Variants in IGSF10 observed in about 807,000 individuals in gnomAD.
IGSF10 encodes the protein calvaria mechanical force protein 608.
Under a neutral mutation model 128.2 loss-of-function variants are expected in IGSF10, and 126 were observed. The ratio of observed to expected loss-of-function variants is 0.98; its 90% CI spans 0.85 to 1.14. The LOEUF (loss-of-function observed/expected upper bound fraction) is 1.14. IGSF10 is among the 50% of genes most tolerant of loss of function. The probability of loss-of-function intolerance (pLI) is 0.00; values close to 1 mark genes in which losing one functional copy is unlikely to be tolerated. For missense variants in IGSF10, 3,295 were observed against 3,149.8 expected, an observed-to-expected ratio of 1.05 and a Z score of -1.10; for synonymous variants, 1,185 against 1,146.2, an observed-to-expected ratio of 1.03 and a Z score of -0.68.
At chr3:151,614,596 T>A in the IGSF10 span, among the ~76,000 whole-genome samples, 2 of 151,622 alleles carry the variant, frequency 1.3e-5, no homozygotes, top group Non-Finnish European at 2.9e-5. Context: ...CCGCATGCTG[T>A]CACTCATAGG....
chr3:151,460,713 A>C (rs1331302265), intron 1 of IGSF10, among the ~76,000 whole-genome samples: 2 of 150,398 alleles, frequency 1.3e-5, no homozygotes, highest in Non-Finnish European at 3.0e-5. Context: ...CCATCTATTG[A>C]TTGTCTTTCC....
chr3:151,528,692 T>C, the IGSF10 span, among the ~76,000 whole-genome samples: 71 of 152,326 alleles, frequency 4.7e-4, no homozygotes, highest in African/African-American at 1.7e-3. Context: ...CCATGGTCTT[T>C]GCAACTGGCA....
the IGSF10 span, among the ~76,000 whole-genome samples, chr3:151,498,597 G>C: frequency 6.6e-6 from 1 of 151,816 alleles, no homozygotes; most frequent in Admixed American, 6.6e-5. Context: ...AAAGGCCTTT[G>C]AAGTGGTATT....
chr3:151,514,190 C>A, the IGSF10 span, among the ~76,000 whole-genome samples: 1 of 152,070 alleles, frequency 6.6e-6, no homozygotes, highest in African/African-American at 2.4e-5. Flanking sequence ...AAGAACAAAG[C>A]TGGAGGCATC....
At chr3:151,520,660 T>A in the IGSF10 span, among the ~76,000 whole-genome samples, 6 of 151,772 alleles carry the variant, frequency 4.0e-5, no homozygotes, top group Non-Finnish European at 5.9e-5. Flanking sequence ...GAAATAAGAT[T>A]TTTTTCAGAT....
rs116873135 is a variant in IGSF10 at position 151,442,365 on chromosome 3, A to G, written c.5963+619T>C. On this transcript the variant is annotated intron_variant, in intron 7 of 7. Transcript: ENST00000282466. The stretch of plus-strand genomic sequence containing the variant: ...TTTTGTTTACAGAGAGTGTGAATAT[A>G]TTTATACAATTACTATTTTTTTTTT... Among the ~76,000 whole-genome samples the G allele has an allele frequency of 1.5e-3, 213 of 146,120 alleles. 3 individuals are homozygous for G. The East Asian group carries it at 0.035, about 24-fold the overall frequency.
chr3:151,432,507 A>G (rs1390600075), downstream of IGSF10, among the ~76,000 whole-genome samples: 1 of 152,224 alleles, frequency 6.6e-6, no homozygotes, highest in Non-Finnish European at 1.5e-5. Flanking sequence ...GACACTCTGG[A>G]TGGGCCAGTA....
the IGSF10 span, among the ~76,000 whole-genome samples, chr3:151,530,282 T>A: frequency 4.6e-4 from 70 of 151,962 alleles, no homozygotes; most frequent in Non-Finnish European, 7.9e-4. Flanking sequence ...CCCAACTTAG[T>A]TTCATTCTTC....
In IGSF10 at chr3:151,448,254, T is replaced by C. The variant is rs148995437; in HGVS notation, c.1727A>G (p.Tyr576Cys). The C allele has an allele frequency of 5.6e-6, 9 of 1,614,106 alleles. No individual in the cohort carries two copies. In the Admixed American group the frequency reaches 1.0e-4, roughly 18 times the overall value. Reference sequence around the variant, plus strand: ...TGTGTGATGAATCCCATTTTCCTGATAGGCTTCGACCAAAGGTTCTACCAC... The same window carrying C: ...TGTGTGATGAATCCCATTTTCCTGACAGGCTTCGACCAAAGGTTCTACCAC... ...ITVVEPLVEA[Y>C]QENGIHHTVF... The change falls in exon 6 of 8, where the codon TAT becomes TGT. Residue 576 changes from tyrosine (Y) to cysteine (C), a missense_variant. Coordinates refer to ENST00000282466, the MANE Select transcript of IGSF10 (RefSeq NM_178822.5).
the IGSF10 span, among the ~76,000 whole-genome samples, chr3:151,468,777 G>T: frequency 6.6e-6 from 1 of 152,282 alleles, no homozygotes; most frequent in Non-Finnish European, 1.5e-5. Context: ...TGTACAGGAC[G>T]TGCAGGTTAC....
At chr3:151,570,521 T>C in the IGSF10 span, among the ~76,000 whole-genome samples, 1 of 152,180 alleles carries the variant, frequency 6.6e-6, no homozygotes, top group Non-Finnish European at 1.5e-5. Flanking sequence ...CTGTTGGCTG[T>C]ATAAATGTCT....
In IGSF10 at chr3:151,446,139, C is replaced by G; in HGVS notation, c.3842G>C (p.Gly1281Ala). The G allele has an allele frequency of 6.2e-7, 1 of 1,614,048 alleles. No individual in the cohort carries two copies. Among genetic ancestry groups the G allele is most frequent in the Non-Finnish European group, 8.5e-7 (1 of 1,180,000 alleles). ...AAGCTCCTTCTTTGTTGGAAGACTTCCAGGATTGTGTGTTTTGGTCGTAGT... is the reference window on the plus strand; with the variant it reads ...AAGCTCCTTCTTTGTTGGAAGACTTGCAGGATTGTGTGTTTTGGTCGTAGT... ...HHTTTKTHNP[G>A]SLPTKKELPF... is the part of the protein sequence containing the mutation. The change falls in exon 6 of 8, where the codon GGA becomes GCA. Residue 1281 changes from glycine (G) to alanine (A), a missense_variant. Coordinates refer to ENST00000282466, the MANE Select transcript of IGSF10 (RefSeq NM_178822.5).
chr3:151,551,111 A>G, the IGSF10 span, among the ~76,000 whole-genome samples: 1 of 152,160 alleles, frequency 6.6e-6, no homozygotes, highest in Admixed American at 6.5e-5. Flanking sequence ...GCAAACTCAG[A>G]CCATACTGGC....
chr3:151,590,532 A>C, the IGSF10 span, among the ~76,000 whole-genome samples: 3 of 152,192 alleles, frequency 2.0e-5, no homozygotes, highest in Non-Finnish European at 4.4e-5. Flanking sequence ...AAACATTTTG[A>C]TATATATCAC....
At chr3:151,532,728 G>A in the IGSF10 span, among the ~76,000 whole-genome samples, 1 of 152,072 alleles carries the variant, frequency 6.6e-6, no homozygotes, top group Non-Finnish European at 1.5e-5. Context: ...ATACTGAATG[G>A]GCAAAAACTG....
At chr3:151,568,070 T>C in the IGSF10 span, among the ~76,000 whole-genome samples, 1 of 152,212 alleles carries the variant, frequency 6.6e-6, no homozygotes, top group Non-Finnish European at 1.5e-5. Context: ...CTAGTTTATT[T>C]GTCAGAAGAG....
At chr3:151,586,827 G>A in the IGSF10 span, among the ~76,000 whole-genome samples, 1 of 152,012 alleles carries the variant, frequency 6.6e-6, no homozygotes, top group Non-Finnish European at 1.5e-5. Context: ...CTTGTTACTA[G>A]CTCAAATATA....
chr3:151,616,466 T>C, the IGSF10 span, among the ~76,000 whole-genome samples: 1 of 152,190 alleles, frequency 6.6e-6, no homozygotes, highest in African/African-American at 2.4e-5. Context: ...AAACATCTCT[T>C]AAAGGAGAGA....
At chr3:151,524,979 AC>A in the IGSF10 span, among the ~76,000 whole-genome samples, 1 of 143,322 alleles carries the variant, frequency 7.0e-6, no homozygotes, top group Non-Finnish European at 1.5e-5. Flanking sequence ...AATCTTTGTA[AC>A]AATTTTAAAA....
Sources: gnomAD v4.1 joint callset for allele counts (sites outside exome capture counted in the v4.1 genomes callset) on GRCh38, gnomAD v4.1.1 for gene constraint, MANE v1.5 for transcripts, NCBI Gene and HGNC (gene_info 2026-07-23, HGNC 2026-07-21) for gene names.